Variants in SPSB4 observed in about 807,000 individuals in gnomAD.
SPSB4 encodes splA/ryanodine receptor domain and SOCS box containing 4.
SPSB4 carries 21 observed loss-of-function variants against 20.9 expected under a neutral mutation model. The ratio of observed to expected loss-of-function variants is 1.01; its 90% CI spans 0.71 to 1.45. SPSB4 has a LOEUF of 1.45. Ranked by LOEUF, SPSB4 falls within the 40% of genes most tolerant of loss-of-function variation. SPSB4 has a pLI of 0.00. For missense variants in SPSB4, 399 were observed against 399.2 expected (o/e 1.00, Z 0.00); for synonymous variants, 207 against 183.8 (o/e 1.13, Z -1.02).
At chr3:141,057,577 C>T (rs866729126) in intron 1 of SPSB4, among the ~76,000 whole-genome samples, 5 of 152,144 alleles carry the variant, frequency 3.3e-5, no homozygotes, top group African/African-American at 7.2e-5. Context: ...GAGGGACACC[C>T]GGCCCCTGCT....
At chr3:141,111,627 T>G (rs1938799460) in intron 2 of SPSB4, among the ~76,000 whole-genome samples, 1 of 152,082 alleles carries the variant, frequency 6.6e-6, no homozygotes, top group African/African-American at 2.4e-5. Context: ...AGAACCCACA[T>G]CAGCGGGTCT....
At chr3:141,100,919 T>A (rs1319276659) in intron 2 of SPSB4, among the ~76,000 whole-genome samples, 1 of 151,958 alleles carries the variant, frequency 6.6e-6, no homozygotes, top group Non-Finnish European at 1.5e-5. Flanking sequence ...CAACAAAGGG[T>A]CCCTGTGAAG....
chr3:141,117,016 C>A (rs569030327), intron 2 of SPSB4: 2 of 152,342 alleles, frequency 1.3e-5, no homozygotes, highest in African/African-American at 4.8e-5. Flanking sequence ...GTGTCCTGAG[C>A]AGGACTCTGT....
At chr3:141,136,841 A>G (rs1376904493) in intron 2 of SPSB4, among the ~76,000 whole-genome samples, 2 of 152,156 alleles carry the variant, frequency 1.3e-5, no homozygotes, top group African/African-American at 4.8e-5. Context: ...TTGGTTCCAT[A>G]TGAACTTTAA....
At chr3:141,057,057 T>C (rs909724400) in intron 1 of SPSB4, among the ~76,000 whole-genome samples, 3 of 152,194 alleles carry the variant, frequency 2.0e-5, no homozygotes, top group Non-Finnish European at 4.4e-5. Flanking sequence ...GGAAGCCTCA[T>C]TGATTCTCGC....
chr3:141,140,960 A>C (rs1352973400), intron 2 of SPSB4, among the ~76,000 whole-genome samples: 1 of 152,142 alleles, frequency 6.6e-6, no homozygotes, highest in East Asian at 1.9e-4. Flanking sequence ...GGCCTCCTTG[A>C]GCTGTGGTGG....
chr3:141,094,603 G>A (rs1938515211), intron 2 of SPSB4, among the ~76,000 whole-genome samples: 1 of 152,148 alleles, frequency 6.6e-6, no homozygotes, highest in East Asian at 1.9e-4. Context: ...GTTGGATATT[G>A]TGTTTACTCC....
intron 2 of SPSB4, among the ~76,000 whole-genome samples, chr3:141,129,981 T>G (rs1407553057): frequency 4.6e-5 from 7 of 152,206 alleles, no homozygotes; most frequent in Admixed American, 4.6e-4. Context: ...GCTGCTTGTG[T>G]CCCAGCTGTA....
chr3:141,109,958 C>G (rs1308676720), intron 2 of SPSB4, among the ~76,000 whole-genome samples: 1 of 152,172 alleles, frequency 6.6e-6, no homozygotes, highest in African/African-American at 2.4e-5. Flanking sequence ...ACATTTTCAT[C>G]GCAGAGAATC....
intron 2 of SPSB4, among the ~76,000 whole-genome samples, chr3:141,113,363 C>A (rs1447139184): frequency 1.3e-5 from 2 of 152,178 alleles, no homozygotes; most frequent in African/African-American, 4.8e-5. Context: ...CCATTCACAA[C>A]AGCCAAAAGG....
At chr3:141,109,089 A>G (rs567088356) in intron 2 of SPSB4, among the ~76,000 whole-genome samples, 3 of 152,228 alleles carry the variant, frequency 2.0e-5, no homozygotes, top group Non-Finnish European at 4.4e-5. Context: ...GAATACATTT[A>G]TAAGGTTTTA....
At chr3:141,052,911 G>A (rs2107772453) in intron 1 of SPSB4, among the ~76,000 whole-genome samples, 1 of 152,344 alleles carries the variant, frequency 6.6e-6, no homozygotes, top group East Asian at 1.9e-4. Flanking sequence ...GGAGAACCGG[G>A]GGAGTGGCTG....
chr3:141,137,478 A>G (rs1939249270), intron 2 of SPSB4, among the ~76,000 whole-genome samples: 1 of 152,168 alleles, frequency 6.6e-6, no homozygotes, highest in African/African-American at 2.4e-5. Context: ...GGTTTGTCAT[A>G]GATAGCTCTC....
chr3:141,052,548 A>G (rs1936112395), intron 1 of SPSB4, among the ~76,000 whole-genome samples: 1 of 152,116 alleles, frequency 6.6e-6, no homozygotes, highest in Non-Finnish European at 1.5e-5. Context: ...GGGGACAATA[A>G]TTCCTGGGGG....
At chr3:141,134,056 C>CTTTTTTTTTTTTTTTTTTTTTTTTTTTTT (rs1222303281) in intron 2 of SPSB4, among the ~76,000 whole-genome samples, 3 of 61,632 alleles carry the variant, frequency 4.9e-5, no homozygotes, top group Non-Finnish European at 5.8e-5. Context: ...TTTCTTTTTT[C>CTTTTTTTTTTTTTTTTTTTTTTTTTTTTT]TTTTTTTTTT....
intron 2 of SPSB4, among the ~76,000 whole-genome samples, chr3:141,067,278 C>T (rs1018799819): frequency 6.6e-6 from 1 of 152,224 alleles, no homozygotes; most frequent in African/African-American, 2.4e-5. Context: ...GTACTGATAA[C>T]CGTCCTTTAT....
chr3:141,115,143 G>T (rs938553008), intron 2 of SPSB4: 1 of 152,212 alleles, frequency 6.6e-6, no homozygotes, highest in Admixed American at 6.5e-5. Flanking sequence ...AAGCAGTTCT[G>T]GTTTTTTACG....
intron 1 of SPSB4, among the ~76,000 whole-genome samples, chr3:141,062,836 A>ATGTGTGTCTGTCT (rs1937790475): frequency 6.6e-6 from 1 of 152,086 alleles, no homozygotes; most frequent in African/African-American, 2.4e-5. Flanking sequence ...ACTTGAAAAG[A>ATGTGTGTCTGTCT]ACATGCATTC....
chr3:141,147,321 C>A lies in SPSB4; in HGVS notation c.*52C>A. On this transcript the variant is annotated 3_prime_UTR_variant, in exon 3 of 3. Transcript: ENST00000310546. ...CAGACACACACCGCAGGGCCCGACC[C>A]TCCTGTCATTCACAGTCCCATGGCA... 6.2e-7 allele frequency: 1 copy of A among 1,607,258 alleles called. No homozygotes were observed. Among genetic ancestry groups the A allele is most frequent in the South Asian group, 1.1e-5 (1 of 90,568 alleles).
Sources: gnomAD v4.1 joint callset for allele counts (sites outside exome capture counted in the v4.1 genomes callset) on GRCh38, gnomAD v4.1.1 for gene constraint, MANE v1.5 for transcripts, NCBI Gene and HGNC (gene_info 2026-07-23, HGNC 2026-07-21) for gene names.